PPARGC1A: variants seen among roughly 807,000 people sequenced by gnomAD.
PPARGC1A encodes peroxisome proliferator-activated receptor gamma coactivator 1-alpha.
PPARGC1A carries 25 observed loss-of-function variants against 88.7 expected under a neutral mutation model. The ratio of observed to expected loss-of-function variants is 0.28; its 90% CI spans 0.21 to 0.39. PPARGC1A has a LOEUF of 0.39. Among genes scored for constraint, PPARGC1A ranks in the 10% least tolerant of loss-of-function variants. The probability of loss-of-function intolerance (pLI) is 1.00; values close to 1 mark genes in which losing one functional copy is unlikely to be tolerated. For missense variants in PPARGC1A, 880 were observed against 968.7 expected (o/e 0.91, Z 1.22); for synonymous variants, 363 against 355.6 (o/e 1.02, Z -0.24).
chr4:24,317,568 A>T, the PPARGC1A span, among the ~76,000 whole-genome samples: 1 of 114,128 alleles, frequency 8.8e-6, no homozygotes, highest in African/African-American at 4.0e-5. Flanking sequence ...AAAAAAAAAA[A>T]AAAAAAAAAA....
At position 23,812,684 on chromosome 4, in the gene PPARGC1A, A is replaced by G; in HGVS notation, c.2019+63T>C. 3.8e-6 allele frequency: 6 copies of G among 1,599,632 alleles called. No individual in the cohort carries two copies. In the South Asian group the frequency reaches 4.5e-5, roughly 12 times the overall value. On this transcript the variant is annotated intron_variant, in intron 10 of 12. Transcript: ENST00000264867. The stretch of plus-strand genomic sequence containing the variant: ...TGTTTATTTTCTAATCTATCACCAA[A>G]AAAAGCACACAGAAAAAGAAGAAAC...
At position 23,814,538 on chromosome 4, in the gene PPARGC1A, C is replaced by G; in HGVS notation, c.945G>C (p.Lys315Asn). 4 of 1,610,744 alleles carry G rather than the reference C, an allele frequency of 2.5e-6. No homozygotes were observed. The highest frequency in any genetic ancestry group is 3.4e-6 in the Non-Finnish European group (4 of 1,179,518). The change falls in exon 8 of 13, where the codon AAG (lysine) becomes AAC (asparagine). Residue 315 changes from lysine to asparagine, a missense_variant. Lys to Asn is a moderately conservative substitution (Grantham distance 94). Transcript: ENST00000264867. Reference sequence around the variant, plus strand: ...CCACAGTCTTGCAAGAGGACTTCAGCTTTGGAGAAGCCCTAAAAGGGTTAT... The same window carrying G: ...CCACAGTCTTGCAAGAGGACTTCAGGTTTGGAGAAGCCCTAAAAGGGTTAT... ...NQDNPFRASP[K>N]LKSSCKTVVP...
chr4:24,233,033 G>A, the PPARGC1A span, among the ~76,000 whole-genome samples: 1 of 152,220 alleles, frequency 6.6e-6, no homozygotes, highest in East Asian at 1.9e-4. Context: ...TCCCAAGGCT[G>A]CAGAGGGGCC....
intron 10 of PPARGC1A, among the ~76,000 whole-genome samples, chr4:23,805,599 TAC>T (rs1182258984): frequency 6.6e-6 from 1 of 152,190 alleles, no homozygotes; most frequent in Non-Finnish European, 1.5e-5. Flanking sequence ...AGACCATCGA[TAC>T]ACACTTGAGC....
chr4:24,131,392 C>T, the PPARGC1A span, among the ~76,000 whole-genome samples: 1 of 152,124 alleles, frequency 6.6e-6, no homozygotes, highest in Non-Finnish European at 1.5e-5. Context: ...CTAGAAAGGG[C>T]CAGCATCATT....
At chr4:23,803,322 A>T (rs1177612729) in intron 10 of PPARGC1A, among the ~76,000 whole-genome samples, 1 of 152,206 alleles carries the variant, frequency 6.6e-6, no homozygotes, top group Non-Finnish European at 1.5e-5. Flanking sequence ...CAGTCTTAAA[A>T]TGTAGGCCAT....
intron 2 of PPARGC1A, among the ~76,000 whole-genome samples, chr4:23,861,467 C>T (rs1036432972): frequency 2.0e-5 from 3 of 152,118 alleles, no homozygotes; most frequent in Non-Finnish European, 4.4e-5. Flanking sequence ...CTACTGAGTA[C>T]CTTTTATGGA....
the PPARGC1A span, among the ~76,000 whole-genome samples, chr4:24,020,455 C>T: frequency 6.6e-6 from 1 of 152,088 alleles, no homozygotes. Flanking sequence ...ATAAGTATAA[C>T]ATCAATACAG....
chr4:24,407,971 C>A, the PPARGC1A span, among the ~76,000 whole-genome samples: 1 of 152,236 alleles, frequency 6.6e-6, no homozygotes, highest in South Asian at 2.1e-4. Flanking sequence ...GAGTAAGGAG[C>A]TCTGGATTCA....
chr4:24,114,840 G>A, the PPARGC1A span, among the ~76,000 whole-genome samples: 5 of 152,174 alleles, frequency 3.3e-5, no homozygotes, highest in South Asian at 2.1e-4. Flanking sequence ...GGTAAGGTGC[G>A]TGGGTAAATA....
chr4:24,300,666 T>C, the PPARGC1A span, among the ~76,000 whole-genome samples: 2 of 152,112 alleles, frequency 1.3e-5, no homozygotes, highest in Non-Finnish European at 2.9e-5. Flanking sequence ...TCACTCCCCT[T>C]ATCCTTAATA....
chr4:24,014,847 C>T, the PPARGC1A span, among the ~76,000 whole-genome samples: 3 of 152,312 alleles, frequency 2.0e-5, no homozygotes, highest in Admixed American at 1.3e-4. Flanking sequence ...TTAATTTCAG[C>T]TGCAAAATCC....
the PPARGC1A span, among the ~76,000 whole-genome samples, chr4:24,043,080 AG>A: frequency 2.0e-5 from 3 of 152,186 alleles, no homozygotes. Flanking sequence ...ATTTGGGATC[AG>A]AAAACTGGGG....
the PPARGC1A span, among the ~76,000 whole-genome samples, chr4:24,177,642 A>C: frequency 8.6e-6 from 1 of 115,680 alleles, no homozygotes; most frequent in African/African-American, 3.4e-5. Flanking sequence ...TAAATAAATA[A>C]ATAAATAAAT....
the PPARGC1A span, among the ~76,000 whole-genome samples, chr4:23,949,209 T>A: frequency 6.6e-6 from 1 of 152,176 alleles, no homozygotes; most frequent in Non-Finnish European, 1.5e-5. Flanking sequence ...CATACATAGA[T>A]GAAGTACAAT....
intron 1 of PPARGC1A, among the ~76,000 whole-genome samples, chr4:23,895,970 GTGTGTGTGTGTATATA>G (rs201027586): frequency 0.12 from 5,891 of 48,822 alleles, 160 homozygotes; most frequent in East Asian, 0.17. Context: ...GTGTGTGTGT[GTGTGTGTGTGTATATA>G]TATATACACA....
At chr4:24,292,041 G>A in the PPARGC1A span, among the ~76,000 whole-genome samples, 2 of 152,152 alleles carry the variant, frequency 1.3e-5, no homozygotes, top group African/African-American at 2.4e-5. Context: ...AAAGAAGTGA[G>A]TGAAGAAGAA....
At chr4:23,933,002 G>A in the PPARGC1A span, among the ~76,000 whole-genome samples, 13 of 152,170 alleles carry the variant, frequency 8.5e-5, no homozygotes, top group African/African-American at 3.1e-4. Context: ...GACAAGTGGT[G>A]ACTCTAGTGG....
At chr4:24,101,720 G>C in the PPARGC1A span, among the ~76,000 whole-genome samples, 51 of 152,344 alleles carry the variant, frequency 3.3e-4, no homozygotes, top group African/African-American at 1.2e-3. Flanking sequence ...ACCCAGTGCT[G>C]TAATAGAAAT....
Sources: allele counts gnomAD v4.1 joint callset (sites outside exome capture counted in the v4.1 genomes callset), GRCh38; gene constraint gnomAD v4.1.1; transcripts MANE v1.5; gene names NCBI Gene and HGNC (gene_info 2026-07-23, HGNC 2026-07-21).